Variants in EIF2A observed in about 807,000 individuals in gnomAD.
EIF2A encodes eukaryotic translation initiation factor 2A.
EIF2A carries 62 observed loss-of-function variants against 75.2 expected under a neutral mutation model. That is an observed-to-expected ratio of 0.82 (90% CI 0.67 to 1.02). EIF2A has a LOEUF of 1.02. Among genes scored for constraint, EIF2A ranks in the 50% least tolerant of loss-of-function variants. The pLI is 0.00. For synonymous variants in EIF2A, 207 were observed against 239.0 expected (o/e 0.87, Z 1.23); for missense variants, 611 against 677.7 (o/e 0.90, Z 1.09).
intron 10 of EIF2A, among the ~76,000 whole-genome samples, chr3:150,575,092 A>AT (rs549674732): frequency 2.6e-5 from 4 of 151,526 alleles, no homozygotes; most frequent in East Asian, 3.9e-4. Context: ...AAGCCATGTA[A>AT]TTTTTTTTTG....
At chr3:150,550,336 A>G (rs1300002917) in intron 1 of EIF2A, among the ~76,000 whole-genome samples, 1 of 152,236 alleles carries the variant, frequency 6.6e-6, no homozygotes, top group Non-Finnish European at 1.5e-5. Context: ...AGTTACATGT[A>G]GAAAAAAATT....
intron 1 of EIF2A, among the ~76,000 whole-genome samples, chr3:150,549,479 A>C (rs185309362): frequency 2.8e-3 from 423 of 152,182 alleles, no homozygotes; most frequent in Middle Eastern, 3.4e-3. Context: ...CTGCCTCCCA[A>C]AGTGCTGGGA....
intron 2 of EIF2A, among the ~76,000 whole-genome samples, chr3:150,554,870 T>G (rs748414111): frequency 3.3e-5 from 5 of 152,170 alleles, no homozygotes; most frequent in Non-Finnish European, 5.9e-5. Flanking sequence ...GAAATGCATC[T>G]CAGGCCCTAC....
chr3:150,579,867 A>ACCTTTT (rs1725072295), intron 11 of EIF2A, among the ~76,000 whole-genome samples: 1 of 151,814 alleles, frequency 6.6e-6, no homozygotes, highest in Non-Finnish European at 1.5e-5. Flanking sequence ...ACTCTGAGTA[A>ACCTTTT]AAGGTTATGG....
chr3:150,585,818 C>T lies in EIF2A; in HGVS notation c.*1907C>T, dbSNP rs1003647375. ...AATGAGGTGAAGAGGTTGGGGACTT[C>T]GTGATGGGATTATTGTCCTTACAAG... On this transcript the variant is annotated 3_prime_UTR_variant, in exon 14 of 14. Transcript: ENST00000460851. Among the ~76,000 whole-genome samples, 4 of 152,172 alleles carry T rather than the reference C, an allele frequency of 2.6e-5. No homozygotes were observed. Among genetic ancestry groups the T allele is most frequent in the South Asian group, 2.1e-4 (1 of 4,808 alleles).
rs1723365923 is a variant in EIF2A at position 150,552,496 on chromosome 3, G to A, written c.98+71G>A. 7 of 1,314,862 alleles carry A rather than the reference G, an allele frequency of 5.3e-6. No homozygotes were observed. The Admixed American group carries it at 1.2e-4, about 23-fold the overall frequency. 81.4% of individuals were successfully genotyped at this position (1,314,862 alleles called of 1,614,324 possible). A position where few individuals can be genotyped will look rare whatever the true frequency, so the allele number is the denominator to read the frequency against. ...AATCTAAAATGGTTTTGTTGGTGGT[G>A]TATTTTGAACAAGAAAGGAAAAGAA... On this transcript the variant is annotated intron_variant, in intron 2 of 13. Coordinates refer to ENST00000460851, the MANE Select transcript of EIF2A (RefSeq NM_032025.5).
At chr3:150,581,947 GT>G (rs1309853191) in intron 12 of EIF2A, among the ~76,000 whole-genome samples, 1 of 152,090 alleles carries the variant, frequency 6.6e-6, no homozygotes, top group African/African-American at 2.4e-5. Flanking sequence ...AAGACTCTTA[GT>G]ACTTTGATTT....
chr3:150,580,763 C>G (rs540068760), intron 11 of EIF2A, among the ~76,000 whole-genome samples: 2 of 152,310 alleles, frequency 1.3e-5, no homozygotes, highest in East Asian at 3.9e-4. Context: ...ATAAGGGTTA[C>G]TTAAACACAA....
intron 10 of EIF2A, 62 bp from the exon 11 acceptor site, chr3:150,575,586 AT>A: frequency 3.3e-6 from 4 of 1,200,784 alleles, no homozygotes; most frequent in Non-Finnish European, 4.7e-6. Flanking sequence ...GAAGTGTATA[AT>A]TTGTTGTTGT....
At chr3:150,583,545 T>C (rs1014876927) in intron 13 of EIF2A, among the ~76,000 whole-genome samples, 2 of 152,202 alleles carry the variant, frequency 1.3e-5, no homozygotes, top group South Asian at 4.1e-4. Flanking sequence ...TAGACAAATA[T>C]AAGATTCTCT....
chr3:150,559,057 A>C (rs1461966964), intron 3 of EIF2A, among the ~76,000 whole-genome samples: 1 of 152,186 alleles, frequency 6.6e-6, no homozygotes, highest in Non-Finnish European at 1.5e-5. Flanking sequence ...TATTTCATAG[A>C]CCATGCAAAT....
rs1725442775 is a variant in EIF2A, at chr3:150,585,721, TCGTATGTTGAAG to T, written c.*1812_*1823del. Among the ~76,000 whole-genome samples, 1 of 152,064 alleles carries T rather than the reference TCGTATGTTGAAG, an allele frequency of 6.6e-6. No homozygotes were observed. Among genetic ancestry groups the T allele is most frequent in the South Asian group, 2.1e-4 (1 of 4,820 alleles). On this transcript the variant is annotated 3_prime_UTR_variant, in exon 14 of 14. Transcript: ENST00000460851. ...TAGACTGACTGTGCCACCTTAAAACTCGTATGTTGAAGCCCTAACCTCCAACGTGGTGGTATT... is the reference window on the plus strand; with the variant it reads ...TAGACTGACTGTGCCACCTTAAAACTCCCTAACCTCCAACGTGGTGGTATT...
chr3:150,583,384 C>A (rs1054464441), intron 13 of EIF2A, 119 bp downstream of exon 13: 2 of 837,824 alleles, frequency 2.4e-6, no homozygotes. Context: ...TTTTGAAAAC[C>A]ATATGCCATA....
intron 1 of EIF2A, among the ~76,000 whole-genome samples, chr3:150,550,984 A>C (rs1169590239): frequency 6.6e-6 from 1 of 152,134 alleles, no homozygotes; most frequent in Admixed American, 6.6e-5. Flanking sequence ...TTCCAGCTTC[A>C]TCATCCTCTA....
intron 3 of EIF2A, chr3:150,558,764 C>T (rs1723702101): frequency 5.8e-6 from 1 of 172,900 alleles, no homozygotes. Flanking sequence ...TTTCCTAAAT[C>T]TGCAGTAACA....
chr3:150,548,769 G>T (rs1000970347), intron 1 of EIF2A, among the ~76,000 whole-genome samples: 39 of 152,210 alleles, frequency 2.6e-4, no homozygotes, highest in Admixed American at 7.8e-4. Context: ...CAGGGACTTT[G>T]TAAGAGCTTA....
chr3:150,568,336 T>G, intron 9 of EIF2A, 44 bp downstream of exon 9: 1 of 1,418,580 alleles, frequency 7.0e-7, no homozygotes, highest in South Asian at 1.3e-5. Flanking sequence ...ACAATGATAG[T>G]AAAAAATACT....
At chr3:150,557,742 A>G in intron 2 of EIF2A, 1 of 319,028 alleles carries the variant, frequency 3.1e-6, no homozygotes, top group Non-Finnish European at 6.1e-6. Context: ...ACTGAGTGTA[A>G]GCTGTCATTA....
intron 3 of EIF2A, among the ~76,000 whole-genome samples, chr3:150,561,656 G>A (rs1245051616): frequency 6.6e-6 from 1 of 152,050 alleles, no homozygotes; most frequent in Non-Finnish European, 1.5e-5. Context: ...ATAGACCTCA[G>A]CTTCTCTATA....
Sources: gnomAD v4.1 joint callset for allele counts (sites outside exome capture counted in the v4.1 genomes callset) on GRCh38, gnomAD v4.1.1 for gene constraint, MANE v1.5 for transcripts, NCBI Gene and HGNC (gene_info 2026-07-23, HGNC 2026-07-21) for gene names.